Variants in MINDY2 observed in about 807,000 individuals in gnomAD.
MINDY2 encodes the protein ubiquitin carboxyl-terminal hydrolase MINDY-2.
Under a neutral mutation model 68.2 loss-of-function variants are expected in MINDY2, and 52 were observed. The ratio of observed to expected loss-of-function variants is 0.76; its 90% CI spans 0.61 to 0.96. MINDY2 has a LOEUF of 0.96. Ranked by LOEUF, MINDY2 falls within the 40% of genes least tolerant of loss-of-function variation. MINDY2 has a pLI of 0.00. For synonymous variants in MINDY2, 372 were observed against 303.0 expected, an observed-to-expected ratio of 1.23 and a Z score of -2.36; for missense variants, 881 against 773.4, an observed-to-expected ratio of 1.14 and a Z score of -1.65.
intron 7 of MINDY2, among the ~76,000 whole-genome samples, chr15:58,848,119 A>G (rs2032627513): frequency 6.6e-6 from 1 of 151,982 alleles, no homozygotes; most frequent in African/African-American, 2.4e-5. Context: ...TGCCTGCCAT[A>G]AGTGGGCAGT....
At chr15:58,834,123 C>A (rs781052905) in intron 6 of MINDY2, among the ~76,000 whole-genome samples, 1 of 152,172 alleles carries the variant, frequency 6.6e-6, no homozygotes, top group Non-Finnish European at 1.5e-5. Flanking sequence ...ATCCATTTAA[C>A]CCTTAGTTGA....
At chr15:58,835,084 T>C (rs1406563546) in intron 6 of MINDY2, among the ~76,000 whole-genome samples, 5 of 152,230 alleles carry the variant, frequency 3.3e-5, no homozygotes, top group African/African-American at 7.2e-5. Flanking sequence ...TTATTGAGCA[T>C]GTATCATGTC....
intron 6 of MINDY2, 63 bp from the exon 7 acceptor site, chr15:58,847,234 A>T: frequency 7.6e-7 from 1 of 1,314,548 alleles, no homozygotes; most frequent in East Asian, 2.4e-5. Flanking sequence ...ACTTTCCTTA[A>T]ATATTATATT....
At chr15:58,833,364 A>C (rs977665774) in intron 6 of MINDY2, among the ~76,000 whole-genome samples, 38 of 152,302 alleles carry the variant, frequency 2.5e-4, no homozygotes, top group African/African-American at 9.1e-4. Context: ...TTGCCCCTCC[A>C]CACCTGTGGG....
At chr15:58,825,346 T>A (rs1348636100) in intron 5 of MINDY2, among the ~76,000 whole-genome samples, 2 of 152,212 alleles carry the variant, frequency 1.3e-5, no homozygotes, top group African/African-American at 4.8e-5. Context: ...GTAGAATACT[T>A]AATTGTAGAA....
chr15:58,793,841 A>G (rs540952218), intron 2 of MINDY2, among the ~76,000 whole-genome samples: 14 of 152,114 alleles, frequency 9.2e-5, no homozygotes, highest in Admixed American at 5.9e-4. Flanking sequence ...GTTGAAAGTA[A>G]GAGGGAAGGT....
chr15:58,777,177 C>T (rs1208818850), intron 1 of MINDY2, among the ~76,000 whole-genome samples: 4 of 152,084 alleles, frequency 2.6e-5, no homozygotes, highest in South Asian at 2.1e-4. Context: ...TTCCCTAGTT[C>T]GCTTATGTCC....
rs563739082 is a variant in MINDY2 at position 58,858,478 on chromosome 15, G to A, written c.*3868G>A. Reference sequence around the variant, plus strand: ...GAATCAGAAAGTCAATTCACTAAGAGACAGATCATGAGAGGAAAGAGAACT... The same window carrying A: ...GAATCAGAAAGTCAATTCACTAAGAAACAGATCATGAGAGGAAAGAGAACT... On this transcript the variant is annotated 3_prime_UTR_variant, in exon 9 of 9. Transcript: ENST00000559228. 3 of 152,210 alleles carry A rather than the reference G, an allele frequency of 2.0e-5. No homozygotes were observed. In the South Asian group the frequency reaches 6.2e-4, roughly 32 times the overall value. The allele number at this position is 152,210 out of a possible 1,614,324, so 9.4% of individuals were successfully genotyped here.
chr15:58,788,626 T>G (rs759513186), intron 2 of MINDY2, among the ~76,000 whole-genome samples: 8 of 152,354 alleles, frequency 5.3e-5, no homozygotes, highest in Non-Finnish European at 8.8e-5. Flanking sequence ...CATTGTGGCC[T>G]TTTATAATCT....
At chr15:58,809,899 C>A (rs1206820415) in intron 3 of MINDY2, among the ~76,000 whole-genome samples, 2 of 152,124 alleles carry the variant, frequency 1.3e-5, no homozygotes, top group African/African-American at 2.4e-5. Context: ...CCCACCTCAG[C>A]CTCCCAAGTA....
intron 7 of MINDY2, among the ~76,000 whole-genome samples, chr15:58,849,177 T>TC: frequency 6.9e-6 from 1 of 145,560 alleles, no homozygotes; most frequent in Non-Finnish European, 1.5e-5. Flanking sequence ...GCCATTGCAC[T>TC]CCAACATGGG....
At chr15:58,782,998 C>G (rs1901260122) in intron 1 of MINDY2, among the ~76,000 whole-genome samples, 1 of 126,646 alleles carries the variant, frequency 7.9e-6, no homozygotes, top group Non-Finnish European at 1.6e-5. Flanking sequence ...TTACTCACTG[C>G]AGCCTTTGTC....
At chr15:58,795,302 T>C (rs1902207977) in intron 2 of MINDY2, among the ~76,000 whole-genome samples, 1 of 152,226 alleles carries the variant, frequency 6.6e-6, no homozygotes, top group Admixed American at 6.5e-5. Context: ...GTGTTTCAAC[T>C]TTCTTTTCGT....
At chr15:58,794,755 C>G (rs1246434262) in intron 2 of MINDY2, among the ~76,000 whole-genome samples, 1 of 152,012 alleles carries the variant, frequency 6.6e-6, no homozygotes, top group Non-Finnish European at 1.5e-5. Context: ...GAGCCAAATA[C>G]TCAGATAATA....
chr15:58,789,937 G>A (rs185524144), intron 2 of MINDY2, among the ~76,000 whole-genome samples: 3 of 152,046 alleles, frequency 2.0e-5, no homozygotes. Context: ...GTGAGCCACC[G>A]TGCCTGGTTA....
intron 6 of MINDY2, among the ~76,000 whole-genome samples, chr15:58,832,514 C>A (rs1352445505): frequency 6.8e-6 from 1 of 146,932 alleles, no homozygotes; most frequent in East Asian, 2.0e-4. Flanking sequence ...AGGCGTGAGC[C>A]ACCATGCCCA....
chr15:58,842,133 A>T (rs2032317322), intron 6 of MINDY2, among the ~76,000 whole-genome samples: 1 of 151,886 alleles, frequency 6.6e-6, no homozygotes, highest in Non-Finnish European at 1.5e-5. Flanking sequence ...TGACTTCTTG[A>T]TTGTCCTTTT....
At chr15:58,820,055 C>T (rs1260960864) in intron 4 of MINDY2, among the ~76,000 whole-genome samples, 1 of 152,132 alleles carries the variant, frequency 6.6e-6, no homozygotes, top group Non-Finnish European at 1.5e-5. Context: ...TACTTGAGGT[C>T]AGGAGTTCAA....
At position 58,861,568 on chromosome 15, in the gene MINDY2, T is replaced by C. The variant is rs575167282; in HGVS notation, c.*6958T>C. On this transcript the variant is annotated 3_prime_UTR_variant, in exon 9 of 9. Transcript: ENST00000559228. ...CCAGCTTAGGGTTGAACTGAATTTC[T>C]GTGAAATAAATTTGTTTTAAATACT... The C allele has an allele frequency of 1.3e-5, 2 of 152,370 alleles. No homozygotes were observed. Among genetic ancestry groups the C allele is most frequent in the African/African-American group, 4.8e-5 (2 of 41,588 alleles). The allele number at this position is 152,370 out of a possible 1,614,324, so 9.4% of individuals were successfully genotyped here. A position where few individuals can be genotyped will look rare whatever the true frequency, so the allele number is the denominator to read the frequency against.
Sources: allele counts gnomAD v4.1 joint callset (sites outside exome capture counted in the v4.1 genomes callset), GRCh38; gene constraint gnomAD v4.1.1; transcripts MANE v1.5; gene names NCBI Gene and HGNC (gene_info 2026-07-23, HGNC 2026-07-21).